The following TYW1B variants were observed in gnomAD, a reference collection of about 807,000 sequenced individuals.
TYW1B encodes tRNA-yW synthesizing protein 1 homolog B, also known as S-adenosyl-L-methionine-dependent tRNA 4-demethylwyosine synthase TYW1B.
Under a neutral mutation model 86.9 loss-of-function variants are expected in TYW1B, and 73 were observed. The ratio of observed to expected loss-of-function variants is 0.84; its 90% CI spans 0.70 to 1.02. The LOEUF (loss-of-function observed/expected upper bound fraction) is 1.02. TYW1B is among the 50% of genes least tolerant of loss of function. The pLI is 0.00. For missense variants in TYW1B, 637 were observed against 827.4 expected (o/e 0.77, Z 2.82); for synonymous variants, 248 against 292.8 (o/e 0.85, Z 1.56).
At position 72,743,791 on chromosome 7, in the gene TYW1B, C is replaced by T. The variant is rs574468155; in HGVS notation, c.1082+693G>A. On this transcript the variant is annotated intron_variant, in intron 8 of 13. Coordinates refer to ENST00000620995, the MANE Select transcript of TYW1B (RefSeq NM_001145440.3). Reference sequence around the variant, plus strand: ...CCTGGGAGGCAGAGGTTGCAGTGAGCCGAGATGACGCCACTGCCCTCCACC... The same window carrying T: ...CCTGGGAGGCAGAGGTTGCAGTGAGTCGAGATGACGCCACTGCCCTCCACC... Among the ~76,000 whole-genome samples the T allele has an allele frequency of 2.5e-3, 377 of 151,106 alleles. 1 individual carries two copies. Among genetic ancestry groups the T allele is most frequent in the Non-Finnish European group, 4.0e-3 (270 of 67,814 alleles).
intron 8 of TYW1B, among the ~76,000 whole-genome samples, chr7:72,731,204 C>G (rs1196063316): frequency 2.1e-5 from 3 of 144,294 alleles, no homozygotes; most frequent in Admixed American, 6.9e-5. Flanking sequence ...CTGTCGCAGA[C>G]AAGTAAAAAT....
intron 9 of TYW1B, among the ~76,000 whole-genome samples, chr7:72,715,507 A>G (rs1786762607): frequency 6.6e-6 from 1 of 152,154 alleles, no homozygotes; most frequent in Non-Finnish European, 1.5e-5. Context: ...AAAGACTCGG[A>G]AAGAGTGTAA....
At chr7:72,746,369 C>T (rs2129571386) in intron 7 of TYW1B, among the ~76,000 whole-genome samples, 1 of 152,250 alleles carries the variant, frequency 6.6e-6, no homozygotes, top group East Asian at 1.9e-4. Flanking sequence ...ACATTCAAAT[C>T]TTGTAAATAG....
intron 7 of TYW1B, among the ~76,000 whole-genome samples, chr7:72,749,904 T>G (rs561531010): frequency 1.6e-4 from 14 of 86,584 alleles, no homozygotes; most frequent in African/African-American, 4.7e-4. Flanking sequence ...TCTATGTTGG[T>G]TTTTTTTGTT....
intron 11 of TYW1B, among the ~76,000 whole-genome samples, chr7:72,638,471 A>G (rs1244811288): frequency 6.6e-6 from 1 of 152,178 alleles, no homozygotes; most frequent in Admixed American, 6.6e-5. Flanking sequence ...TTCACCACCC[A>G]TTCATAATAA....
intron 11 of TYW1B, among the ~76,000 whole-genome samples, chr7:72,655,672 C>G (rs1402025712): frequency 7.2e-5 from 11 of 152,194 alleles, no homozygotes; most frequent in African/African-American, 2.4e-4. Flanking sequence ...CATGTGTTCT[C>G]CAAAGCCTGG....
At chr7:72,786,882 G>A (rs1263280497) in intron 6 of TYW1B, among the ~76,000 whole-genome samples, 11 of 151,840 alleles carry the variant, frequency 7.2e-5, no homozygotes, top group African/African-American at 2.7e-4. Context: ...GCTAAACAAA[G>A]CTTTTAAATA....
intron 11 of TYW1B, among the ~76,000 whole-genome samples, chr7:72,678,023 C>T (rs1376353197): frequency 1.3e-5 from 2 of 152,118 alleles, no homozygotes; most frequent in Non-Finnish European, 2.9e-5. Context: ...TCTATTAGCA[C>T]TTGTTTACTC....
At chr7:72,689,880 T>C (rs1554450044) in intron 11 of TYW1B, among the ~76,000 whole-genome samples, 3 of 152,208 alleles carry the variant, frequency 2.0e-5, no homozygotes, top group African/African-American at 7.2e-5. Context: ...TAAGGTCAAA[T>C]GTGAAATGTT....
chr7:72,647,950 T>A (rs1554442259), intron 11 of TYW1B, among the ~76,000 whole-genome samples: 1 of 152,100 alleles, frequency 6.6e-6, no homozygotes, highest in African/African-American at 2.4e-5. Flanking sequence ...CCTCCCAAAA[T>A]GCTGGGATTA....
intron 9 of TYW1B, among the ~76,000 whole-genome samples, chr7:72,725,890 GCA>G (rs1786989990): frequency 6.6e-6 from 1 of 151,628 alleles, no homozygotes; most frequent in Non-Finnish European, 1.5e-5. Flanking sequence ...CCTCACACAC[GCA>G]CACACATACA....
At chr7:72,707,014 C>T (rs1554453777) in intron 10 of TYW1B, among the ~76,000 whole-genome samples, 1 of 152,168 alleles carries the variant, frequency 6.6e-6, no homozygotes, top group African/African-American at 2.4e-5. Flanking sequence ...AATACTGAGC[C>T]CCAGTAGGTT....
chr7:72,676,774 T>C (rs1585895516), intron 11 of TYW1B, among the ~76,000 whole-genome samples: 1 of 151,952 alleles, frequency 6.6e-6, no homozygotes, highest in African/African-American at 2.4e-5. Context: ...GCCTGGCCAA[T>C]ATGGGGAAAC....
intron 11 of TYW1B, among the ~76,000 whole-genome samples, chr7:72,650,649 CAT>C (rs2129569201): frequency 6.6e-6 from 1 of 152,224 alleles, no homozygotes; most frequent in Admixed American, 6.5e-5. Flanking sequence ...CTGGTTAAAA[CAT>C]ACAATGAAAC....
At chr7:72,627,489 AC>A (rs1812375442) in intron 12 of TYW1B, among the ~76,000 whole-genome samples, 3 of 151,214 alleles carry the variant, frequency 2.0e-5, no homozygotes, top group Admixed American at 1.3e-4. Context: ...ACATAACATA[AC>A]ATAACATAAC....
intron 11 of TYW1B, among the ~76,000 whole-genome samples, chr7:72,630,677 T>C (rs1554439697): frequency 1.3e-5 from 2 of 152,100 alleles, no homozygotes; most frequent in Non-Finnish European, 2.9e-5. Context: ...CACCAGAAAT[T>C]AATGTTTTCC....
intron 6 of TYW1B, among the ~76,000 whole-genome samples, chr7:72,793,208 A>C (rs1443317007): frequency 1.3e-5 from 2 of 152,054 alleles, no homozygotes; most frequent in Non-Finnish European, 2.9e-5. Flanking sequence ...GTGGTGGCAC[A>C]CATCTGTAAT....
intron 7 of TYW1B, among the ~76,000 whole-genome samples, chr7:72,758,462 C>G (rs1272972884): frequency 6.6e-6 from 1 of 150,960 alleles, no homozygotes; most frequent in Non-Finnish European, 1.5e-5. Flanking sequence ...ATTTTTTTCT[C>G]TTAGAAAAAA....
At chr7:72,721,732 G>C (rs2129570880) in intron 9 of TYW1B, among the ~76,000 whole-genome samples, 1 of 152,022 alleles carries the variant, frequency 6.6e-6, no homozygotes, top group East Asian at 1.9e-4. Context: ...ACTAAACTCT[G>C]CTTTGTTATT....
Sources: allele counts gnomAD v4.1 joint callset (sites outside exome capture counted in the v4.1 genomes callset), GRCh38; gene constraint gnomAD v4.1.1; transcripts MANE v1.5; gene names NCBI Gene and HGNC (gene_info 2026-07-23, HGNC 2026-07-21).